Variants in UTRN observed in about 807,000 individuals in gnomAD.
UTRN encodes the protein utrophin.
In UTRN, 283 loss-of-function variants were observed where a neutral mutation model predicts 463.9. The ratio of observed to expected loss-of-function variants is 0.61; its 90% CI spans 0.55 to 0.67. The LOEUF is 0.67. Among genes scored for constraint, UTRN ranks in the 30% least tolerant of loss-of-function variants. The pLI is 0.00. For synonymous variants in UTRN, 1,442 were observed against 1,431.5 expected (o/e 1.01, Z -0.17); for missense variants, 3,922 against 4,084.3 (o/e 0.96, Z 1.08).
chr6:144,433,143 C>G (rs1235587026), intron 9 of UTRN, among the ~76,000 whole-genome samples: 5 of 151,844 alleles, frequency 3.3e-5, no homozygotes, highest in African/African-American at 9.7e-5. Flanking sequence ...CCTTTCCCCC[C>G]TTTCTATTCC....
chr6:144,784,782 T>C (rs1002626570), intron 61 of UTRN, among the ~76,000 whole-genome samples: 2 of 152,232 alleles, frequency 1.3e-5, no homozygotes, highest in Non-Finnish European at 2.9e-5. Context: ...TGGGAAATGC[T>C]ACAATTTGCC....
chr6:144,835,655 C>CA, intron 69 of UTRN, 125 bp from the exon 70 acceptor site: 1 of 1,245,458 alleles, frequency 8.0e-7, no homozygotes, highest in Non-Finnish European at 1.1e-6. Flanking sequence ...GTCATGGAGA[C>CA]ACTGAGCTCT....
intron 2 of UTRN, among the ~76,000 whole-genome samples, chr6:144,329,975 G>A (rs1296673028): frequency 2.0e-5 from 3 of 152,180 alleles, no homozygotes; most frequent in African/African-American, 2.4e-5. Context: ...AGACTAGTAC[G>A]AGAACCAGAC....
At chr6:144,661,063 G>A (rs898884156) in intron 51 of UTRN, among the ~76,000 whole-genome samples, 1 of 152,128 alleles carries the variant, frequency 6.6e-6, no homozygotes, top group Non-Finnish European at 1.5e-5. Context: ...AAAAAGAAAG[G>A]CAGAAAGGGG....
intron 2 of UTRN, among the ~76,000 whole-genome samples, chr6:144,296,863 A>G (rs1412940071): frequency 6.6e-6 from 1 of 152,166 alleles, no homozygotes; most frequent in Non-Finnish European, 1.5e-5. Flanking sequence ...CTGACAAGGG[A>G]AGGCCAATTG....
chr6:144,800,469 C>T (rs1350410162), intron 64 of UTRN, among the ~76,000 whole-genome samples: 1 of 152,090 alleles, frequency 6.6e-6, no homozygotes, highest in Non-Finnish European at 1.5e-5. Context: ...TGAAGTTGAC[C>T]AGCAGGTCAG....
intron 2 of UTRN, among the ~76,000 whole-genome samples, chr6:144,397,729 A>G (rs539734970): frequency 1.8e-4 from 27 of 151,938 alleles, no homozygotes; most frequent in African/African-American, 5.8e-4. Flanking sequence ...TACTTCATCT[A>G]TTTTTCAAGA....
At chr6:144,689,151 C>T (rs1370830390) in intron 52 of UTRN, among the ~76,000 whole-genome samples, 2 of 152,194 alleles carry the variant, frequency 1.3e-5, no homozygotes, top group Non-Finnish European at 2.9e-5. Context: ...CTCTACCCCT[C>T]ATGTAAGCCT....
chr6:144,738,545 C>T (rs1586309509), intron 54 of UTRN, among the ~76,000 whole-genome samples: 1 of 152,158 alleles, frequency 6.6e-6, no homozygotes, highest in Non-Finnish European at 1.5e-5. Context: ...TGCACAAGCA[C>T]CCCCCACCAA....
rs1357436402 is a variant in UTRN, at chr6:144,438,728, G to A, written c.1242-17G>A. Reference sequence around the variant, plus strand: ...GGAAAAGGCTTGTAGGAATAATGCTGTGTTCCCCACGGACAGGCTGCACGA... The same window carrying A: ...GGAAAAGGCTTGTAGGAATAATGCTATGTTCCCCACGGACAGGCTGCACGA... On this transcript the variant is annotated splice_polypyrimidine_tract_variant and intron_variant, in intron 11 of 74. Coordinates refer to ENST00000367545, the MANE Select transcript of UTRN (RefSeq NM_007124.3). 1.2e-6 allele frequency: 2 copies of A among 1,613,860 alleles called. No homozygotes were observed. The highest frequency in any genetic ancestry group is 2.7e-5 in the African/African-American group (2 of 74,892).
rs568025132 is a variant in UTRN at position 144,748,142 on chromosome 6, C to A, written c.7940-104C>A. On this transcript the variant is annotated intron_variant, in intron 54 of 74. Coordinates refer to ENST00000367545, the MANE Select transcript of UTRN (RefSeq NM_007124.3). ...TTTACCCTGGAGTAATTTTTTCTTA[C>A]TTTTTCTCCGTATTTCTCAGTAACG... 7.5e-5 allele frequency: 105 copies of A among 1,401,876 alleles called. 2 individuals are homozygous for A. The South Asian group carries it at 1.6e-3, about 21-fold the overall frequency. The allele number at this position is 1,401,876 out of a possible 1,614,324, so 86.8% of individuals were successfully genotyped here. A position where few individuals can be genotyped will look rare whatever the true frequency, so the allele number is the denominator to read the frequency against.
intron 51 of UTRN, among the ~76,000 whole-genome samples, chr6:144,675,720 G>A (rs1450212519): frequency 6.6e-6 from 1 of 152,148 alleles, no homozygotes; most frequent in Non-Finnish European, 1.5e-5. Context: ...ACTCCCAAGA[G>A]CTTATGCTGT....
chr6:144,569,236 G>C (rs978467414), intron 50 of UTRN, among the ~76,000 whole-genome samples: 1 of 151,792 alleles, frequency 6.6e-6, no homozygotes, highest in Non-Finnish European at 1.5e-5. Context: ...ACATGTATAA[G>C]CTATGATTTT....
chr6:144,819,934 T>TCTCTCTCTCTC (rs1562949192), intron 65 of UTRN, among the ~76,000 whole-genome samples: 2 of 131,472 alleles, frequency 1.5e-5, no homozygotes, highest in Non-Finnish European at 3.2e-5. Flanking sequence ...CTCTCTCTCT[T>TCTCTCTCTCTC]TCTGTCTCTA....
intron 2 of UTRN, among the ~76,000 whole-genome samples, chr6:144,340,168 G>A (rs146040115): frequency 5.1e-4 from 78 of 152,110 alleles, no homozygotes; most frequent in African/African-American, 1.6e-3. Flanking sequence ...CTGCGACTGC[G>A]TCTCAAGAGA....
At chr6:144,323,924 A>G (rs1775819354) in intron 2 of UTRN, among the ~76,000 whole-genome samples, 1 of 152,216 alleles carries the variant, frequency 6.6e-6, no homozygotes, top group Non-Finnish European at 1.5e-5. Flanking sequence ...GAACATTGGT[A>G]TCAGAGGTGA....
At chr6:144,793,272 T>C (rs1344137500) in intron 62 of UTRN, among the ~76,000 whole-genome samples, 1 of 150,694 alleles carries the variant, frequency 6.6e-6, no homozygotes, top group Non-Finnish European at 1.5e-5. Flanking sequence ...GTTTATTCCT[T>C]TGTGTTTTTT....
intron 51 of UTRN, among the ~76,000 whole-genome samples, chr6:144,631,028 C>T (rs879428139): frequency 5.3e-5 from 8 of 152,134 alleles, no homozygotes; most frequent in Non-Finnish European, 7.3e-5. Flanking sequence ...GGTCATGTCC[C>T]CTGACCTTGG....
intron 51 of UTRN, among the ~76,000 whole-genome samples, chr6:144,631,414 G>C (rs1776509367): frequency 6.6e-6 from 1 of 152,328 alleles, no homozygotes; most frequent in Admixed American, 6.5e-5. Context: ...GGAGGAAAGA[G>C]AGGGAGTTTG....
Sources: gnomAD v4.1 joint callset for allele counts (sites outside exome capture counted in the v4.1 genomes callset) on GRCh38, gnomAD v4.1.1 for gene constraint, MANE v1.5 for transcripts, NCBI Gene and HGNC (gene_info 2026-07-23, HGNC 2026-07-21) for gene names.